ESR1: variants seen among roughly 807,000 people sequenced by gnomAD.
ESR1 encodes the protein estrogen receptor.
In ESR1, 12 loss-of-function variants were observed where a neutral mutation model predicts 52.7. The ratio of observed to expected loss-of-function variants is 0.23; its 90% CI spans 0.15 to 0.37. ESR1 has a LOEUF of 0.37. Ranked by LOEUF, ESR1 falls within the 10% of genes least tolerant of loss-of-function variation. The pLI is 1.00. For missense variants in ESR1, 584 were observed against 779.7 expected, an observed-to-expected ratio of 0.75 and a Z score of 2.99; for synonymous variants, 305 against 316.8, an observed-to-expected ratio of 0.96 and a Z score of 0.39.
intron 2 of ESR1, among the ~76,000 whole-genome samples, chr6:151,864,317 G>A (rs535565081): frequency 6.6e-6 from 1 of 152,276 alleles, no homozygotes; most frequent in African/African-American, 2.4e-5. Context: ...CATTTATGCA[G>A]CCAACAGACA....
intron 3 of ESR1, among the ~76,000 whole-genome samples, chr6:151,902,068 G>A (rs1392762602): frequency 6.6e-6 from 1 of 152,122 alleles, no homozygotes; most frequent in African/African-American, 2.4e-5. Flanking sequence ...AAACTTCTTG[G>A]CCTAAATCAT....
At chr6:152,110,727 G>A (rs1213119541) in intron 6 of ESR1, among the ~76,000 whole-genome samples, 1 of 152,152 alleles carries the variant, frequency 6.6e-6, no homozygotes, top group Admixed American at 6.5e-5. Context: ...CACATTTTCT[G>A]AGGAGAAAGA....
chr6:151,912,395 C>A (rs1263878476), intron 3 of ESR1, among the ~76,000 whole-genome samples: 1 of 152,220 alleles, frequency 6.6e-6, no homozygotes, highest in Non-Finnish European at 1.5e-5. Flanking sequence ...CAGCATCTAA[C>A]TCAATCCCTA....
chr6:151,762,720 T>C (rs1784747520), intron 2 of ESR1, among the ~76,000 whole-genome samples: 1 of 152,178 alleles, frequency 6.6e-6, no homozygotes. Flanking sequence ...TTTCAGCACT[T>C]TGGGAGGCTG....
At chr6:151,954,243 A>G (rs943646995) in intron 4 of ESR1, among the ~76,000 whole-genome samples, 1 of 152,228 alleles carries the variant, frequency 6.6e-6, no homozygotes, top group Non-Finnish European at 1.5e-5. Flanking sequence ...TCTCTTAGGA[A>G]CATTCTCCCT....
chr6:151,808,153 G>T lies in ESR1; in HGVS notation c.241G>T (p.Gly81Cys). ...CTACGGTCAGACCGGCCTCCCCTAC[G>T]GCCCCGGGTCTGAGGCTGCGGCGTT... Reference protein sequence around the residue: ...QVYGQTGLPYGPGSEAAAFGS... With the variant: ...QVYGQTGLPYCPGSEAAAFGS... The change falls in exon 1 of 8, where the codon GGC (glycine) becomes TGC (cysteine). Residue 81 changes from glycine to cysteine, a missense_variant. Gly to Cys is a radical substitution (Grantham distance 159, BLOSUM62 -3). Coordinates refer to ENST00000206249, the MANE Select transcript of ESR1 (RefSeq NM_000125.4). 2.5e-6 allele frequency: 4 copies of T among 1,598,514 alleles called. No homozygotes were observed. Among genetic ancestry groups the T allele is most frequent in the African/African-American group, 1.3e-5 (1 of 74,810 alleles).
intron 2 of ESR1, among the ~76,000 whole-genome samples, chr6:151,849,734 G>A (rs934806530): frequency 4.0e-5 from 6 of 151,806 alleles, no homozygotes; most frequent in African/African-American, 1.2e-4. Flanking sequence ...TAAGAGAAGT[G>A]TTAATGCAAG....
chr6:151,883,911 A>C (rs1230505675), intron 3 of ESR1, among the ~76,000 whole-genome samples: 2 of 152,160 alleles, frequency 1.3e-5, no homozygotes, highest in East Asian at 1.9e-4. Flanking sequence ...TTAGGGCCCC[A>C]CACACAGGAC....
intron 2 of ESR1, among the ~76,000 whole-genome samples, chr6:151,869,179 T>C (rs1414130992): frequency 1.3e-5 from 2 of 152,216 alleles, no homozygotes; most frequent in Admixed American, 1.3e-4. Context: ...AAGAACAGTT[T>C]GGAAATTGTT....
intron 1 of ESR1, among the ~76,000 whole-genome samples, chr6:151,691,662 C>G (rs1778954736): frequency 6.6e-6 from 1 of 151,702 alleles, no homozygotes; most frequent in African/African-American, 2.4e-5. Flanking sequence ...TGCTGGGAAA[C>G]TCATCTGGTT....
At chr6:151,675,668 A>G (rs1184354338) in intron 1 of ESR1, among the ~76,000 whole-genome samples, 2 of 152,246 alleles carry the variant, frequency 1.3e-5, no homozygotes, top group Non-Finnish European at 2.9e-5. Flanking sequence ...GAATGATCAC[A>G]ATGCTACCAC....
At chr6:151,850,491 T>A (rs1786466572) in intron 2 of ESR1, among the ~76,000 whole-genome samples, 1 of 151,244 alleles carries the variant, frequency 6.6e-6, no homozygotes, top group African/African-American at 2.4e-5. Context: ...AAGAGAAACA[T>A]CTACAAAGCA....
At chr6:151,969,635 G>C (rs1443786694) in intron 4 of ESR1, among the ~76,000 whole-genome samples, 1 of 152,238 alleles carries the variant, frequency 6.6e-6, no homozygotes, top group Non-Finnish European at 1.5e-5. Context: ...GGAATAGAAT[G>C]TGGAGTCAGC....
intron 4 of ESR1, chr6:151,984,082 C>T (rs142401065): frequency 3.3e-5 from 5 of 152,196 alleles, no homozygotes; most frequent in African/African-American, 1.2e-4. Flanking sequence ...CAGCCTGGTC[C>T]ATCTTGAAAG....
At chr6:151,879,149 G>GGGA (rs938586027) in intron 2 of ESR1, among the ~76,000 whole-genome samples, 36 of 152,248 alleles carry the variant, frequency 2.4e-4, no homozygotes, top group Non-Finnish European at 1.2e-4. Flanking sequence ...AAACAATACC[G>GGGA]GGAGGCTGCA....
chr6:151,700,041 T>A (rs750552306), intron 1 of ESR1, among the ~76,000 whole-genome samples: 16 of 151,938 alleles, frequency 1.1e-4, no homozygotes, highest in Non-Finnish European at 1.9e-4. Flanking sequence ...ATTCCTTACT[T>A]CATGTGGTTA....
At chr6:151,900,417 TCGA>T (rs1335441319) in intron 3 of ESR1, among the ~76,000 whole-genome samples, 4 of 152,230 alleles carry the variant, frequency 2.6e-5, no homozygotes, top group African/African-American at 4.8e-5. Context: ...AGCTTAACAA[TCGA>T]CCTTCTGAAT....
chr6:152,124,684 T>C (rs1585389680), intron 6 of ESR1, among the ~76,000 whole-genome samples: 1 of 85,750 alleles, frequency 1.2e-5, no homozygotes. Context: ...TTATTCCTAA[T>C]AAGCTGAGGG....
intron 2 of ESR1, among the ~76,000 whole-genome samples, chr6:151,869,924 A>G (rs1019813101): frequency 2.6e-5 from 4 of 152,218 alleles, no homozygotes; most frequent in African/African-American, 4.8e-5. Context: ...AAGGCATGCC[A>G]TTTTTATTTG....
Sources: gnomAD v4.1 joint callset for allele counts (sites outside exome capture counted in the v4.1 genomes callset) on GRCh38, gnomAD v4.1.1 for gene constraint, MANE v1.5 for transcripts, NCBI Gene and HGNC (gene_info 2026-07-23, HGNC 2026-07-21) for gene names.